SYT16: variants seen among roughly 807,000 people sequenced by gnomAD.
SYT16 encodes synaptotagmin-16.
SYT16 carries 42 observed loss-of-function variants against 61.4 expected under a neutral mutation model. The observed-to-expected ratio is 0.68, with a 90% CI of 0.53 to 0.89. SYT16 has a LOEUF of 0.89. Ranked by LOEUF, SYT16 falls within the 40% of genes least tolerant of loss-of-function variation. SYT16 has a pLI of 0.00. For missense variants in SYT16, 804 were observed against 807.3 expected, an observed-to-expected ratio of 1.00 and a Z score of 0.05; for synonymous variants, 314 against 302.3, an observed-to-expected ratio of 1.04 and a Z score of -0.40.
intron 7 of SYT16, among the ~76,000 whole-genome samples, chr14:62,097,029 G>A (rs1595407316): frequency 6.6e-6 from 1 of 152,212 alleles, no homozygotes; most frequent in Admixed American, 6.5e-5. Flanking sequence ...GCTCAGCTCA[G>A]CAATTCGTAG....
intron 3 of SYT16, among the ~76,000 whole-genome samples, chr14:62,052,965 C>T (rs959535096): frequency 6.6e-6 from 1 of 152,136 alleles, no homozygotes; most frequent in Non-Finnish European, 1.5e-5. Flanking sequence ...TGGTTCTGAG[C>T]AGTGGGGTGC....
intron 1 of SYT16, among the ~76,000 whole-genome samples, chr14:61,819,618 T>C (rs2045553069): frequency 6.6e-6 from 1 of 152,228 alleles, no homozygotes; most frequent in Admixed American, 6.5e-5. Flanking sequence ...CCACCCTGCA[T>C]GAAAATGCCC....
intron 2 of SYT16, among the ~76,000 whole-genome samples, chr14:61,986,819 G>A (rs930175218): frequency 2.0e-5 from 3 of 152,290 alleles, no homozygotes; most frequent in East Asian, 1.9e-4. Flanking sequence ...GAAAGAAGCA[G>A]TATGTAATAT....
chr14:61,883,717 G>T (rs998959410), intron 1 of SYT16, among the ~76,000 whole-genome samples: 1 of 152,144 alleles, frequency 6.6e-6, no homozygotes, highest in Non-Finnish European at 1.5e-5. Flanking sequence ...CCAATTTACT[G>T]TATTAGTCTG....
chr14:62,011,926 C>CACATATAT (rs1555370087), intron 3 of SYT16, among the ~76,000 whole-genome samples: 22,885 of 132,374 alleles, frequency 0.17, 2,786 homozygotes, highest in East Asian at 0.56. Context: ...CACACACACA[C>CACATATAT]ATATATATAT....
Position 62,084,370 on chromosome 14 carries a change from G to C in SYT16, c.1609G>C (p.Val537Leu). 1.2e-6 allele frequency: 2 copies of C among 1,612,052 alleles called. No homozygotes were observed. Among genetic ancestry groups the C allele is most frequent in the Non-Finnish European group, 1.7e-6 (2 of 1,179,636 alleles). The change falls in exon 7 of 8, where the codon GTT (valine) becomes CTT (leucine). Residue 537 changes from valine (V) to leucine (L), a missense_variant. By Grantham distance (32) the Val-to-Leu change is conservative (BLOSUM62 1). Coordinates refer to ENST00000683842, the MANE Select transcript of SYT16 (RefSeq NM_001367656.1). Reference sequence around the variant, plus strand: ...AGGCAGCCATTTCCGAAACCTCGCTGTTAACCGAGCACCTGGTAAGTGTGA... The same window carrying C: ...AGGCAGCCATTTCCGAAACCTCGCTCTTAACCGAGCACCTGGTAAGTGTGA... Reference protein sequence around the residue: ...IKGSHFRNLAVNRAPDTYGKL... With the variant: ...IKGSHFRNLALNRAPDTYGKL...
intron 1 of SYT16, among the ~76,000 whole-genome samples, chr14:61,875,180 G>T (rs575645372): frequency 6.6e-6 from 1 of 152,322 alleles, no homozygotes; most frequent in South Asian, 2.1e-4. Context: ...GGGCTGCTCT[G>T]TGCATCACCT....
chr14:62,049,664 C>T (rs1387677376), intron 3 of SYT16, among the ~76,000 whole-genome samples: 2 of 152,174 alleles, frequency 1.3e-5, no homozygotes, highest in African/African-American at 4.8e-5. Context: ...TCTTTTAGGG[C>T]AGGCCTGGTG....
At chr14:61,816,724 A>C (rs1182571707) in intron 1 of SYT16, among the ~76,000 whole-genome samples, 1 of 151,560 alleles carries the variant, frequency 6.6e-6, no homozygotes, top group Non-Finnish European at 1.5e-5. Context: ...AAGAACTTCC[A>C]CTCTTGGCCG....
chr14:62,085,640 A>G (rs2056860032), intron 7 of SYT16, among the ~76,000 whole-genome samples: 1 of 152,094 alleles, frequency 6.6e-6, no homozygotes, highest in Admixed American at 6.5e-5. Context: ...CCCACAAAGG[A>G]TCTGTGGAAT....
intron 1 of SYT16, among the ~76,000 whole-genome samples, chr14:61,860,869 G>A (rs2046941385): frequency 1.3e-5 from 2 of 152,200 alleles, no homozygotes; most frequent in South Asian, 4.1e-4. Context: ...TGCTAAGTGG[G>A]CCTAATGCAG....
intron 1 of SYT16, among the ~76,000 whole-genome samples, chr14:61,930,028 T>A (rs1313369046): frequency 1.3e-5 from 2 of 152,188 alleles, no homozygotes; most frequent in Non-Finnish European, 2.9e-5. Flanking sequence ...AGGGGCCAGC[T>A]TGCTTAATCC....
At chr14:61,984,480 A>G (rs965527400) in intron 2 of SYT16, among the ~76,000 whole-genome samples, 15 of 152,140 alleles carry the variant, frequency 9.9e-5, no homozygotes, top group African/African-American at 9.7e-5. Context: ...CAGGACTCAT[A>G]TTTATATTAA....
At chr14:61,920,827 T>C (rs549959443) in intron 1 of SYT16, among the ~76,000 whole-genome samples, 17 of 152,226 alleles carry the variant, frequency 1.1e-4, no homozygotes, top group Non-Finnish European at 5.9e-5. Flanking sequence ...TATTCTTGTT[T>C]CCATTTTACA....
chr14:62,028,803 G>A (rs1443169831), intron 3 of SYT16, among the ~76,000 whole-genome samples: 22 of 151,914 alleles, frequency 1.4e-4, no homozygotes, highest in Admixed American at 8.5e-4. Flanking sequence ...TTTTAATTGA[G>A]TTTAAAAGAT....
intron 1 of SYT16, among the ~76,000 whole-genome samples, chr14:61,939,168 A>G (rs1230726691): frequency 6.6e-6 from 1 of 152,116 alleles, no homozygotes; most frequent in African/African-American, 2.4e-5. Context: ...CCAAAAAAGG[A>G]CATGAACCAG....
rs375368233 is a variant in SYT16, at chr14:61,889,619, T to C, written c.-325+76809T>C. Among the ~76,000 whole-genome samples the C allele has an allele frequency of 2.6e-5, 4 of 151,806 alleles. No individual in the cohort carries two copies. In the East Asian group the frequency reaches 7.8e-4, roughly 30 times the overall value. ...CTCTCTCTCTCTGTCTCCCTCCCTC[T>C]CTCTCTCTCCCCTCCCCTCCTTTCT... is the stretch of plus-strand genomic sequence containing the variant. On this transcript the variant is annotated intron_variant, in intron 1 of 7. Transcript: ENST00000683842.
At chr14:61,939,709 G>C (rs992799970) in intron 1 of SYT16, among the ~76,000 whole-genome samples, 5 of 152,118 alleles carry the variant, frequency 3.3e-5, no homozygotes, top group East Asian at 3.9e-4. Context: ...GAGGTACTAG[G>C]GGTTAGGATT....
chr14:61,833,060 T>A, intron 1 of SYT16, among the ~76,000 whole-genome samples: 1 of 152,182 alleles, frequency 6.6e-6, no homozygotes, highest in East Asian at 1.9e-4. Context: ...TCAGTGAGTT[T>A]TCCATAAGCT....
Sources: allele counts gnomAD v4.1 joint callset (sites outside exome capture counted in the v4.1 genomes callset), GRCh38; gene constraint gnomAD v4.1.1; transcripts MANE v1.5; gene names NCBI Gene and HGNC (gene_info 2026-07-23, HGNC 2026-07-21).